Variants in INO80 observed in about 807,000 individuals in gnomAD.
INO80 encodes the protein chromatin-remodeling ATPase INO80.
INO80 carries 20 observed loss-of-function variants against 203.4 expected under a neutral mutation model. The observed-to-expected ratio is 0.10, with a 90% CI of 0.07 to 0.14. INO80 has a LOEUF of 0.14. INO80 is among the 10% of genes least tolerant of loss of function. The pLI is 1.00. For synonymous variants in INO80, 726 were observed against 685.2 expected (o/e 1.06, Z -0.93); for missense variants, 1,419 against 1,914.4 (o/e 0.74, Z 4.83).
intron 29 of INO80, among the ~76,000 whole-genome samples, chr15:40,991,997 C>T (rs750160219): frequency 1.3e-5 from 2 of 152,082 alleles, no homozygotes; most frequent in Non-Finnish European, 1.5e-5. Flanking sequence ...AGGATGGTCT[C>T]GATCTCCTGA....
At chr15:41,075,750 A>C (rs2045393156) in intron 9 of INO80, among the ~76,000 whole-genome samples, 1 of 151,804 alleles carries the variant, frequency 6.6e-6, no homozygotes, top group Non-Finnish European at 1.5e-5. Flanking sequence ...CACCATGCCC[A>C]GCCCGTATTG....
At chr15:41,003,668 A>G (rs2043997462) in intron 28 of INO80, among the ~76,000 whole-genome samples, 1 of 152,148 alleles carries the variant, frequency 6.6e-6, no homozygotes, top group Non-Finnish European at 1.5e-5. Flanking sequence ...ATTTTTCTCA[A>G]TAGGCATTTC....
At chr15:41,021,200 T>C in intron 25 of INO80, 75 bp from the exon 26 acceptor site, 1 of 975,384 alleles carries the variant, frequency 1.0e-6, no homozygotes, top group East Asian at 2.4e-5. Context: ...AACCTCAACT[T>C]TGAAATCAGA....
At chr15:41,024,736 GTTC>G (rs2044350802) in intron 25 of INO80, 2 of 152,346 alleles carry the variant, frequency 1.3e-5, no homozygotes, top group South Asian at 4.1e-4. Flanking sequence ...TAGTGGCACA[GTTC>G]TTCCTGAACT....
rs181609582 is a variant in INO80, at chr15:41,098,492, C to A, written c.-43-2139G>T. Among the ~76,000 whole-genome samples the A allele has an allele frequency of 2.7e-3, 410 of 151,848 alleles. 3 individuals are homozygous for A. The highest frequency in any genetic ancestry group is 0.013 in the South Asian group (62 of 4,798). Reference sequence around the variant, plus strand: ...GAAAACAAGATCAACCTGGGCAACACAGTGAGATCTCATCTCTTCAAAAGA... The same window carrying A: ...GAAAACAAGATCAACCTGGGCAACAAAGTGAGATCTCATCTCTTCAAAAGA... On this transcript the variant is annotated intron_variant, in intron 1 of 35. Coordinates refer to ENST00000648947, the MANE Select transcript of INO80 (RefSeq NM_017553.3).
rs151240299 is a variant in INO80 at position 41,058,358 on chromosome 15, G to A, written c.1985+281C>T. 2.2e-4 allele frequency among the ~76,000 whole-genome samples: 34 copies of A among 152,148 alleles called. No individual in the cohort carries two copies. The East Asian group carries it at 5.2e-3, about 23-fold the overall frequency. On this transcript the variant is annotated intron_variant, in intron 16 of 35. Coordinates refer to ENST00000648947, the MANE Select transcript of INO80 (RefSeq NM_017553.3). ...ACGACTGATGCAGAGATCATGTCACGTCATATTTAAAACCTCTCATATATT... is the reference window on the plus strand; with the variant it reads ...ACGACTGATGCAGAGATCATGTCACATCATATTTAAAACCTCTCATATATT...
chr15:41,035,635 C>T (rs2044559178), intron 24 of INO80, among the ~76,000 whole-genome samples: 1 of 151,476 alleles, frequency 6.6e-6, no homozygotes, highest in South Asian at 2.1e-4. Flanking sequence ...TCCTGGCCAA[C>T]ATGGTGAAAC....
intron 14 of INO80, among the ~76,000 whole-genome samples, chr15:41,062,344 G>T (rs913372259): frequency 6.6e-6 from 1 of 152,148 alleles, no homozygotes; most frequent in Non-Finnish European, 1.5e-5. Flanking sequence ...GCTCATGCCT[G>T]TAATCTCAGC....
chr15:41,023,424 A>G (rs767194871), intron 25 of INO80: 21 of 448,296 alleles, frequency 4.7e-5, no homozygotes, highest in Non-Finnish European at 7.2e-5. Context: ...GACCAGTTCT[A>G]TATGTCTTGA....
At chr15:41,005,951 G>C (rs2044034340) in intron 27 of INO80, among the ~76,000 whole-genome samples, 1 of 94,564 alleles carries the variant, frequency 1.1e-5, no homozygotes, top group Admixed American at 1.5e-4. Flanking sequence ...AATTCCTGTA[G>C]GTTTCATTAA....
chr15:40,984,052 T>C (rs1893932757), intron 33 of INO80, 131 bp from the exon 34 acceptor site: 1 of 1,354,152 alleles, frequency 7.4e-7, no homozygotes, highest in Admixed American at 2.0e-5. Flanking sequence ...CTCATTTGTT[T>C]TTCTCCTTAC....
At chr15:41,114,894 T>C (rs1428591093) in intron 1 of INO80, among the ~76,000 whole-genome samples, 1 of 152,114 alleles carries the variant, frequency 6.6e-6, no homozygotes, top group Admixed American at 6.6e-5. Flanking sequence ...GGGGAGTGAC[T>C]GCTAAATGGC....
chr15:41,106,180 T>C (rs915001243), intron 1 of INO80, among the ~76,000 whole-genome samples: 29 of 152,010 alleles, frequency 1.9e-4, no homozygotes, highest in African/African-American at 5.8e-4. Context: ...GCTCTGGAGT[T>C]TGAGACCAGC....
At chr15:41,065,488 A>C (rs1287352673) in intron 14 of INO80, among the ~76,000 whole-genome samples, 6 of 152,298 alleles carry the variant, frequency 3.9e-5, no homozygotes, top group African/African-American at 1.4e-4. Context: ...CTTAATAAGT[A>C]GAATTACCAT....
Position 41,077,203 on chromosome 15 carries a change from A to C in INO80, c.1131+2498T>G, listed in dbSNP as rs1421140830. ...ATTACAAGCGTGAGCCACCGCGCCC[A>C]GCCTTGTTTGCTTTATTTTTTTTTT... On this transcript the variant is annotated intron_variant, in intron 9 of 35. Transcript: ENST00000648947. 7.8e-5 allele frequency among the ~76,000 whole-genome samples: 11 copies of C among 140,798 alleles called. No homozygotes were observed. The East Asian group carries it at 2.0e-3, about 26-fold the overall frequency. 92.4% of individuals were successfully genotyped at this position (140,798 alleles called of 152,430 possible).
intron 9 of INO80, among the ~76,000 whole-genome samples, chr15:41,077,182 C>A (rs2045416322): frequency 6.6e-6 from 1 of 150,850 alleles, no homozygotes; most frequent in Admixed American, 6.6e-5. Context: ...GCTGGGATTA[C>A]AAGCGTGAGC....
intron 15 of INO80, among the ~76,000 whole-genome samples, chr15:41,059,225 A>C: frequency 6.7e-6 from 1 of 149,510 alleles, no homozygotes; most frequent in Admixed American, 6.7e-5. Flanking sequence ...GCCTCCCAAA[A>C]TGCTGGGATT....
chr15:40,987,676 T>C, intron 30 of INO80, 140 bp downstream of exon 30: 2 of 843,656 alleles, frequency 2.4e-6, no homozygotes, highest in Non-Finnish European at 3.7e-6. Flanking sequence ...GACCTGATTT[T>C]ATTTTCTATT....
chr15:41,104,728 C>T (rs913997773), intron 1 of INO80, among the ~76,000 whole-genome samples: 2 of 151,814 alleles, frequency 1.3e-5, no homozygotes, highest in African/African-American at 2.4e-5. Flanking sequence ...TTAGTAGAGA[C>T]GAGGTTTCAC....
Sources: allele counts gnomAD v4.1 joint callset (sites outside exome capture counted in the v4.1 genomes callset), GRCh38; gene constraint gnomAD v4.1.1; transcripts MANE v1.5; gene names NCBI Gene and HGNC (gene_info 2026-07-23, HGNC 2026-07-21).